Variants in OR7E24 observed in about 807,000 individuals in gnomAD.
The protein encoded by OR7E24 is olfactory receptor family 7 subfamily E member 24.
For missense variants in OR7E24, 385 were observed against 410.3 expected (o/e 0.94, Z 0.53); for synonymous variants, 130 against 157.5 (o/e 0.83, Z 1.31).
chr19:9,215,118 G>T, the OR7E24 span, among the ~76,000 whole-genome samples: 1 of 152,108 alleles, frequency 6.6e-6, no homozygotes, highest in Non-Finnish European at 1.5e-5. Flanking sequence ...GACAAGGTGG[G>T]CAGATCACGA....
the OR7E24 span, chr19:9,235,507 C>T: frequency 8.4e-5 from 132 of 1,578,462 alleles, 3 homozygotes; most frequent in South Asian, 7.0e-4. Context: ...AGCCTATGAC[C>T]GGTTTGTGGC....
At chr19:9,208,584 C>T in the OR7E24 span, 2 of 152,074 alleles carry the variant, frequency 1.3e-5, no homozygotes, top group African/African-American at 4.8e-5. Flanking sequence ...TCTTCTTTTA[C>T]TTTACACTGA....
chr19:9,239,707 C>CTTTTTTTTTTTTTTTTT, the OR7E24 span, among the ~76,000 whole-genome samples: 11 of 123,018 alleles, frequency 8.9e-5, no homozygotes, highest in East Asian at 2.3e-4. Flanking sequence ...TTTTCTTTTT[C>CTTTTTTTTTTTTTTTTT]TTTTTTTTTT....
At chr19:9,234,838 A>G in the OR7E24 span, among the ~76,000 whole-genome samples, 3 of 152,244 alleles carry the variant, frequency 2.0e-5, no homozygotes, top group African/African-American at 7.2e-5. Context: ...TGAAGGAACT[A>G]TGGAGATGTA....
At position 9,251,220 on chromosome 19, in the gene OR7E24, G is replaced by A. The variant is rs2066145385; in HGVS notation, c.177G>A (p.Gly59=). ...CCATGTACCTGGTCACGGTGCTGGG[G>A]AACCTGCTCATCATCCTGGCTGTCA... The part of the protein sequence containing the change: ...FLSMYLVTVL[G]NLLIILAVSS... Residue 59 remains glycine (G), a synonymous_variant, in exon 1 of 1, where the codon GGG becomes GGA. Coordinates refer to ENST00000456448, the MANE Select transcript of OR7E24 (RefSeq NM_001079935.2). The A allele has an allele frequency of 6.2e-7, 1 of 1,613,838 alleles. No homozygotes were observed. Among genetic ancestry groups the A allele is most frequent in the Non-Finnish European group, 8.5e-7 (1 of 1,179,988 alleles).
the OR7E24 span, chr19:9,214,652 G>A: frequency 3.7e-6 from 6 of 1,614,038 alleles, no homozygotes; most frequent in African/African-American, 8.0e-5. Flanking sequence ...GGTTGGAGAG[G>A]AAGAAGTACA....
At chr19:9,237,816 T>C in the OR7E24 span, among the ~76,000 whole-genome samples, 2 of 152,188 alleles carry the variant, frequency 1.3e-5, no homozygotes, top group African/African-American at 4.8e-5. Context: ...TTTCCATCAG[T>C]TGGGGAAGAT....
At chr19:9,214,855 T>C in the OR7E24 span, 2 of 1,536,030 alleles carry the variant, frequency 1.3e-6, no homozygotes, top group African/African-American at 1.4e-5. Flanking sequence ...TTGTGTCTGC[T>C]GGGGAAGGAG....
chr19:9,236,094 C>T, the OR7E24 span: 11 of 1,341,960 alleles, frequency 8.2e-6, no homozygotes, highest in Non-Finnish European at 1.2e-5. Context: ...GGTACACAAC[C>T]TCAGAACTAA....
At chr19:9,220,571 C>A in the OR7E24 span, among the ~76,000 whole-genome samples, 1 of 152,170 alleles carries the variant, frequency 6.6e-6, no homozygotes, top group Non-Finnish European at 1.5e-5. Context: ...GAATCATATT[C>A]CATTGTGTAT....
chr19:9,251,306 A>T lies in OR7E24; in HGVS notation c.263A>T (p.Asp88Val), dbSNP rs1354320286. 6.2e-7 allele frequency: 1 copy of T among 1,613,994 alleles called. No individual in the cohort carries two copies. The highest frequency in any genetic ancestry group is 1.3e-5 in the African/African-American group (1 of 74,920). ...YFFLSNLSLA[D>V]IGFTSTTVPK... Reference sequence around the variant, plus strand: ...TTCCTCTCCAACCTGTCCTTGGCTGACATCGGTTTCACCTCCACCACGGTC... The same window carrying T: ...TTCCTCTCCAACCTGTCCTTGGCTGTCATCGGTTTCACCTCCACCACGGTC... Residue 88 changes from aspartate to valine, a missense_variant, in exon 1 of 1, where the codon GAC becomes GTC. Coordinates refer to ENST00000456448, the MANE Select transcript of OR7E24 (RefSeq NM_001079935.2).
chr19:9,218,961 T>C, the OR7E24 span, among the ~76,000 whole-genome samples: 53 of 150,650 alleles, frequency 3.5e-4, no homozygotes, highest in African/African-American at 1.2e-3. Flanking sequence ...AGAAAAAAAA[T>C]TGGACTGCAT....
chr19:9,214,485 A>G, the OR7E24 span: 1 of 1,614,200 alleles, frequency 6.2e-7, no homozygotes, highest in Non-Finnish European at 8.5e-7. Flanking sequence ...GTCATAGGCC[A>G]TCACGGCCAG....
At chr19:9,233,990 G>A in the OR7E24 span, among the ~76,000 whole-genome samples, 25 of 149,224 alleles carry the variant, frequency 1.7e-4, no homozygotes, top group East Asian at 6.0e-4. Context: ...TGCAACCTCC[G>A]CCTCCCAGGT....
Position 9,251,667 on chromosome 19 carries a change from C to T in OR7E24, c.624C>T (p.Ser208=), listed in dbSNP as rs2240927. ...CTCAACTCCTCCACCTTAGGTGTTC[C>T]GACACCTTCATCAATGAAATGGTCA... ...DPSQLLHLRC[S]DTFINEMVIY... Residue 208 remains serine, a synonymous_variant, in exon 1 of 1, where the codon TCC becomes TCT. Transcript: ENST00000456448. 503,609 of 1,612,410 alleles carry T rather than the reference C, an allele frequency of 0.31. 91,571 individuals are homozygous for T. Among genetic ancestry groups the T allele is most frequent in the African/African-American group, 0.77 (57,473 of 74,916 alleles).
At chr19:9,232,525 C>G in the OR7E24 span, among the ~76,000 whole-genome samples, 4 of 120,096 alleles carry the variant, frequency 3.3e-5, no homozygotes, top group South Asian at 7.8e-4. Flanking sequence ...GCAGCAAGAG[C>G]GAAACTCCGT....
chr19:9,208,475 A>C, the OR7E24 span: 1 of 152,166 alleles, frequency 6.6e-6, no homozygotes, highest in Non-Finnish European at 1.5e-5. Flanking sequence ...GTCCAACTGA[A>C]GTTTAAGTGG....
chr19:9,221,770 T>C, the OR7E24 span, among the ~76,000 whole-genome samples: 1 of 152,188 alleles, frequency 6.6e-6, no homozygotes. Flanking sequence ...TCCTCCATTC[T>C]GTAGTTTGTC....
chr19:9,246,466 T>TGGTGTGTG (rs1555720675), upstream of OR7E24, among the ~76,000 whole-genome samples: 1,089 of 131,046 alleles, frequency 8.3e-3, 12 homozygotes, highest in African/African-American at 0.014. Context: ...CTTAAAGGTA[T>TGGTGTGTG]TGTGTGTGTG....
Sources: gnomAD v4.1 joint callset for allele counts (sites outside exome capture counted in the v4.1 genomes callset) on GRCh38, gnomAD v4.1.1 for gene constraint, MANE v1.5 for transcripts, NCBI Gene and HGNC (gene_info 2026-07-23, HGNC 2026-07-21) for gene names.